Variants in PRKCE observed in about 807,000 individuals in gnomAD.
PRKCE encodes protein kinase C epsilon.
PRKCE carries 16 observed loss-of-function variants against 85.4 expected under a neutral mutation model. That is an observed-to-expected ratio of 0.19 (90% CI 0.13 to 0.28). PRKCE has a LOEUF of 0.28. Among genes scored for constraint, PRKCE ranks in the 10% least tolerant of loss-of-function variants. The pLI, the probability that PRKCE is intolerant of heterozygous loss-of-function variation, is 1.00. For synonymous variants in PRKCE, 388 were observed against 371.5 expected (o/e 1.04, Z -0.51); for missense variants, 573 against 975.2 (o/e 0.59, Z 5.49).
intron 11 of PRKCE, among the ~76,000 whole-genome samples, chr2:46,106,807 G>A (rs1671760392): frequency 6.6e-6 from 1 of 152,204 alleles, no homozygotes; most frequent in East Asian, 1.9e-4. Context: ...GATTTTCTGA[G>A]TTATGGAGGG....
chr2:45,820,332 G>A (rs561640495), intron 1 of PRKCE, among the ~76,000 whole-genome samples: 1 of 152,212 alleles, frequency 6.6e-6, no homozygotes, highest in African/African-American at 2.4e-5. Flanking sequence ...GACCTGCCTG[G>A]TGGGGAACTC....
At position 45,903,593 on chromosome 2, in the gene PRKCE, TAAAG is replaced by T. The variant is rs140341897; in HGVS notation, c.412+60533_412+60536del. ...CCAAATATTGCATGTCACATAGTTA[TAAAG>T]AATTATTTTTTCTGGAATTGAAACT... On this transcript the variant is annotated intron_variant, in intron 2 of 14. Transcript: ENST00000306156. Among the ~76,000 whole-genome samples, 378 of 152,374 alleles carry T rather than the reference TAAAG, an allele frequency of 2.5e-3. 2 individuals are homozygous for T. The highest frequency in any genetic ancestry group is 8.7e-3 in the African/African-American group (361 of 41,586).
chr2:45,819,739 A>G lies in PRKCE; in HGVS notation c.349-23261A>G, dbSNP rs1689371624. ...CAACTCAAAGCCTTGAGAGCCATCG[A>G]CTAGAGCTTTGAAACCCATGGTGGT... On this transcript the variant is annotated intron_variant, in intron 1 of 14. Coordinates refer to ENST00000306156, the MANE Select transcript of PRKCE (RefSeq NM_005400.3). 2.0e-5 allele frequency among the ~76,000 whole-genome samples: 3 copies of G among 152,246 alleles called. No individual in the cohort carries two copies. In the South Asian group the frequency reaches 6.2e-4, roughly 32 times the overall value.
intron 10 of PRKCE, among the ~76,000 whole-genome samples, chr2:46,021,537 C>T (rs7578551): frequency 0.062 from 9,478 of 152,108 alleles, 977 homozygotes; most frequent in African/African-American, 0.22. Flanking sequence ...AAGCATAGTC[C>T]TCCCTTTAGC....
chr2:45,911,814 A>G (rs1237818227), intron 2 of PRKCE, among the ~76,000 whole-genome samples: 2 of 152,024 alleles, frequency 1.3e-5, no homozygotes, highest in African/African-American at 4.8e-5. Context: ...TCATTTTTTG[A>G]TAAGGGCAGA....
intron 11 of PRKCE, among the ~76,000 whole-genome samples, chr2:46,107,318 G>A (rs1452676811): frequency 1.3e-5 from 2 of 152,058 alleles, no homozygotes; most frequent in Non-Finnish European, 2.9e-5. Flanking sequence ...ATGTCTTTTT[G>A]TTGCTTGACA....
At chr2:45,781,925 GA>G (rs1387914922) in intron 1 of PRKCE, among the ~76,000 whole-genome samples, 1 of 152,118 alleles carries the variant, frequency 6.6e-6, no homozygotes, top group Non-Finnish European at 1.5e-5. Flanking sequence ...CTACTCACTT[GA>G]AAAACAAATT....
At chr2:45,818,490 A>T (rs746177526) in intron 1 of PRKCE, among the ~76,000 whole-genome samples, 1 of 152,168 alleles carries the variant, frequency 6.6e-6, no homozygotes, top group Non-Finnish European at 1.5e-5. Flanking sequence ...GAAGGACGGG[A>T]CTTGGGTGGG....
At chr2:45,710,088 G>A (rs764037323) in intron 1 of PRKCE, among the ~76,000 whole-genome samples, 13 of 152,272 alleles carry the variant, frequency 8.5e-5, no homozygotes, top group African/African-American at 2.2e-4. Context: ...AGGCTACTGC[G>A]CCTGGCCCAT....
chr2:45,956,528 A>AG (rs1700987370), intron 2 of PRKCE, among the ~76,000 whole-genome samples: 1 of 151,964 alleles, frequency 6.6e-6, no homozygotes, highest in Non-Finnish European at 1.5e-5. Context: ...TAAGAAAAAA[A>AG]AAAAAAATTA....
chr2:45,869,738 C>A (rs1463205173), intron 2 of PRKCE, among the ~76,000 whole-genome samples: 1 of 119,482 alleles, frequency 8.4e-6, no homozygotes. Context: ...GTTGGTGTCT[C>A]ACTCTGTCAC....
Position 46,159,549 on chromosome 2 carries a change from T to C in PRKCE, c.1921-57T>C. On this transcript the variant is annotated intron_variant, in intron 13 of 14. Coordinates refer to ENST00000306156, the MANE Select transcript of PRKCE (RefSeq NM_005400.3). This position sits in a 1 kb window ranked among gnomAD's most constrained non-coding sequence, Gnocchi z 4.1. ...TTGGCTGACCTCCATCTGTCCCTTA[T>C]AGCCTGTGCTGGCCAGGCCTTTGTC... 1 of 1,526,402 alleles carries C rather than the reference T, an allele frequency of 6.6e-7. No homozygotes were observed. The highest frequency in any genetic ancestry group is 1.3e-5 in the South Asian group (1 of 78,878). The allele number at this position is 1,526,402 out of a possible 1,614,324, so 94.6% of individuals were successfully genotyped here. A position where few individuals can be genotyped will look rare whatever the true frequency, so the allele number is the denominator to read the frequency against.
At chr2:46,110,269 A>G (rs1672128252) in intron 11 of PRKCE, among the ~76,000 whole-genome samples, 1 of 152,150 alleles carries the variant, frequency 6.6e-6, no homozygotes, top group South Asian at 2.1e-4. Flanking sequence ...AATTGGTGTC[A>G]TTTCTCCCTT....
intron 1 of PRKCE, among the ~76,000 whole-genome samples, chr2:45,741,899 GC>G (rs1427574857): frequency 2.0e-5 from 3 of 152,312 alleles, no homozygotes; most frequent in African/African-American, 7.2e-5. Context: ...TTTAAAGAGG[GC>G]GGAAGTCCCC....
chr2:45,761,890 G>A (rs1041322176), intron 1 of PRKCE, among the ~76,000 whole-genome samples: 9 of 152,118 alleles, frequency 5.9e-5, no homozygotes, highest in African/African-American at 2.2e-4. Context: ...AATCATAAAA[G>A]CAGAGTCCAG....
intron 1 of PRKCE, among the ~76,000 whole-genome samples, chr2:45,820,868 C>T (rs1302687475): frequency 6.6e-6 from 1 of 152,120 alleles, no homozygotes. Context: ...GGCAAGACAC[C>T]TGGCCTTCTG....
chr2:45,721,566 T>C (rs1680620632), intron 1 of PRKCE, among the ~76,000 whole-genome samples: 1 of 152,102 alleles, frequency 6.6e-6, no homozygotes, highest in Non-Finnish European at 1.5e-5. Context: ...AGTCCCAATT[T>C]AGTTTCTCAA....
intron 1 of PRKCE, among the ~76,000 whole-genome samples, chr2:45,790,384 C>T (rs551821125): frequency 2.2e-4 from 33 of 152,282 alleles, no homozygotes; most frequent in African/African-American, 7.2e-4. Flanking sequence ...AAAACACACA[C>T]GTGTGTTCCA....
At chr2:45,707,669 A>C (rs1392436810) in intron 1 of PRKCE, among the ~76,000 whole-genome samples, 2 of 152,172 alleles carry the variant, frequency 1.3e-5, no homozygotes, top group African/African-American at 4.8e-5. Flanking sequence ...GAGGATCTGC[A>C]CTGGGGGAGG....
Sources: gnomAD v4.1 joint callset for allele counts (sites outside exome capture counted in the v4.1 genomes callset) on GRCh38, gnomAD v4.1.1 for gene constraint, Gnocchi (gnomAD v3.1) non-coding constraint, MANE v1.5 for transcripts, NCBI Gene and HGNC (gene_info 2026-07-23, HGNC 2026-07-21) for gene names.